Variants in SEMA6D observed in about 807,000 individuals in gnomAD.
SEMA6D encodes semaphorin-6D.
SEMA6D carries 35 observed loss-of-function variants against 106.6 expected under a neutral mutation model. That is an observed-to-expected ratio of 0.33 (90% confidence interval 0.25 to 0.44). The LOEUF (loss-of-function observed/expected upper bound fraction) is 0.44, where lower values mean the gene tolerates loss of function less well. Ranked by LOEUF, SEMA6D falls within the 20% of genes least tolerant of loss-of-function variation. The pLI is 1.00. For missense variants in SEMA6D, 1,185 were observed against 1,345.9 expected, an observed-to-expected ratio of 0.88 and a Z score of 1.87; for synonymous variants, 499 against 487.7, an observed-to-expected ratio of 1.02 and a Z score of -0.31.
intron 3 of SEMA6D, among the ~76,000 whole-genome samples, chr15:47,590,624 G>C (rs1463513437): frequency 2.0e-5 from 3 of 152,012 alleles, no homozygotes; most frequent in South Asian, 2.1e-4. Context: ...AATGGAGTAT[G>C]ATGGGCTGTA....
chr15:47,262,165 A>G (rs1227435632), intron 1 of SEMA6D, among the ~76,000 whole-genome samples: 4 of 152,144 alleles, frequency 2.6e-5, no homozygotes, highest in Non-Finnish European at 5.9e-5. Flanking sequence ...ACGACAAACC[A>G]CTGCTCAAAG....
At chr15:47,632,364 A>G (rs2077308221) in intron 4 of SEMA6D, among the ~76,000 whole-genome samples, 1 of 151,690 alleles carries the variant, frequency 6.6e-6, no homozygotes, top group Non-Finnish European at 1.5e-5. Flanking sequence ...AGCCTTGTTG[A>G]TTTTCTATTA....
intron 1 of SEMA6D, chr15:47,718,321 T>C (rs1253680126): frequency 6.6e-6 from 1 of 152,254 alleles, no homozygotes; most frequent in African/African-American, 2.4e-5. Flanking sequence ...TTAGCCTGCG[T>C]CCTGGAGAAG....
intron 1 of SEMA6D, among the ~76,000 whole-genome samples, chr15:47,285,925 G>A (rs2035340640): frequency 6.6e-6 from 1 of 152,040 alleles, no homozygotes; most frequent in Non-Finnish European, 1.5e-5. Flanking sequence ...CATTTTATTG[G>A]ATATTGGAAG....
intron 1 of SEMA6D, among the ~76,000 whole-genome samples, chr15:47,314,929 A>T (rs73401042): frequency 7.5e-6 from 1 of 133,120 alleles, no homozygotes; most frequent in African/African-American, 3.0e-5. Context: ...GCAGTGGCGC[A>T]ATCTCGGCTC....
intron 1 of SEMA6D, among the ~76,000 whole-genome samples, chr15:47,410,861 C>G (rs914901318): frequency 6.6e-6 from 1 of 152,106 alleles, no homozygotes; most frequent in African/African-American, 2.4e-5. Flanking sequence ...GATAATACTA[C>G]CCTAAATGAT....
intron 2 of SEMA6D, among the ~76,000 whole-genome samples, chr15:47,427,848 A>G (rs545295906): frequency 1.3e-5 from 2 of 152,210 alleles, no homozygotes; most frequent in South Asian, 4.2e-4. Flanking sequence ...TATTTATCCT[A>G]TTGGAACCCT....
intron 2 of SEMA6D, among the ~76,000 whole-genome samples, chr15:47,450,535 T>G (rs16959525): frequency 2.0e-3 from 305 of 152,222 alleles, no homozygotes; most frequent in African/African-American, 7.1e-3. Context: ...ACTGGCTTCT[T>G]CAAACTGTTT....
At chr15:47,486,820 T>C (rs993385537) in intron 3 of SEMA6D, among the ~76,000 whole-genome samples, 3 of 152,216 alleles carry the variant, frequency 2.0e-5, no homozygotes, top group Admixed American at 6.5e-5. Context: ...TAATGCATGG[T>C]TTAAAAATTT....
At chr15:47,304,530 A>C (rs1410481669) in intron 1 of SEMA6D, among the ~76,000 whole-genome samples, 3 of 152,014 alleles carry the variant, frequency 2.0e-5, no homozygotes, top group Non-Finnish European at 2.9e-5. Flanking sequence ...AGACACAAAG[A>C]AATAAAAATG....
chr15:47,315,940 C>T (rs1032423745), intron 1 of SEMA6D, among the ~76,000 whole-genome samples: 1 of 151,880 alleles, frequency 6.6e-6, no homozygotes, highest in Non-Finnish European at 1.5e-5. Context: ...AGCCTGTCTC[C>T]TGAAACCTTC....
intron 1 of SEMA6D, among the ~76,000 whole-genome samples, chr15:47,749,103 T>TA (rs1209184446): frequency 3.6e-5 from 5 of 138,176 alleles, no homozygotes; most frequent in Non-Finnish European, 4.6e-5. Flanking sequence ...TTTTTGGAGA[T>TA]ACAGTTTCAT....
At chr15:47,433,787 C>T (rs970991017) in intron 2 of SEMA6D, among the ~76,000 whole-genome samples, 6 of 152,030 alleles carry the variant, frequency 3.9e-5, no homozygotes, top group Non-Finnish European at 7.4e-5. Flanking sequence ...AGTCTCTTTC[C>T]AAAGCACAAT....
intron 1 of SEMA6D, among the ~76,000 whole-genome samples, chr15:47,407,852 T>C (rs2040647358): frequency 1.3e-5 from 2 of 152,220 alleles, no homozygotes; most frequent in South Asian, 4.1e-4. Context: ...CAGATGCTGC[T>C]GTCAGTTTGC....
chr15:47,611,756 A>G (rs768387481), intron 4 of SEMA6D, among the ~76,000 whole-genome samples: 12 of 152,354 alleles, frequency 7.9e-5, no homozygotes, highest in Non-Finnish European at 1.8e-4. Flanking sequence ...TTTGCAAGGA[A>G]GGAAAGCTTA....
chr15:47,215,140 C>T (rs543174641), intron 1 of SEMA6D, among the ~76,000 whole-genome samples: 1 of 146,288 alleles, frequency 6.8e-6, no homozygotes, highest in Non-Finnish European at 1.5e-5. Context: ...AATTCAATTG[C>T]ATTTAAATTC....
At chr15:47,367,369 G>A (rs2039069592) in intron 1 of SEMA6D, among the ~76,000 whole-genome samples, 1 of 152,054 alleles carries the variant, frequency 6.6e-6, no homozygotes, top group Non-Finnish European at 1.5e-5. Context: ...GCAACCCTCA[G>A]GTCATTTAGA....
Position 47,763,927 on chromosome 15 carries a change from T to C in SEMA6D, c.825T>C (p.Thr275=). 6.2e-7 allele frequency: 1 copy of C among 1,614,002 alleles called. No homozygotes were observed. Among genetic ancestry groups the C allele is most frequent in the South Asian group, 1.1e-5 (1 of 91,072 alleles). The change falls in exon 10 of 19, where the codon ACT becomes ACC. Residue 275 remains threonine, a synonymous_variant. Transcript: ENST00000536845. ...AGCGGGTCCTGGAGAAACACTGGAC[T>C]TCATTTCTAAAGGCTCGGCTGAACT... ...GSQRVLEKHW[T]SFLKARLNCS...
chr15:47,490,875 G>C (rs1375314898), intron 3 of SEMA6D, among the ~76,000 whole-genome samples: 2 of 152,102 alleles, frequency 1.3e-5, no homozygotes, highest in Non-Finnish European at 2.9e-5. Flanking sequence ...CTAATTAATA[G>C]TCAGAGAAAT....
Sources: allele counts gnomAD v4.1 joint callset (sites outside exome capture counted in the v4.1 genomes callset), GRCh38; gene constraint gnomAD v4.1.1; transcripts MANE v1.5; gene names NCBI Gene and HGNC (gene_info 2026-07-23, HGNC 2026-07-21).